Variants in SRBD1 observed in about 807,000 individuals in gnomAD.
SRBD1 encodes S1 RNA binding domain 1, also known as S1 RNA-binding domain-containing protein 1.
A neutral mutation model predicts 115.3 loss-of-function variants in SRBD1; 88 were observed. The observed-to-expected ratio is 0.76, with a 90% CI of 0.64 to 0.91. SRBD1 has a LOEUF of 0.91. Among genes scored for constraint, SRBD1 ranks in the 40% least tolerant of loss-of-function variants. The probability of loss-of-function intolerance (pLI) is 0.00; values close to 1 mark genes in which losing one functional copy is unlikely to be tolerated. For synonymous variants in SRBD1, 509 were observed against 407.7 expected (o/e 1.25, Z -2.99); for missense variants, 1,385 against 1,177.4 (o/e 1.18, Z -2.58).
chr2:45,458,041 T>C (rs1184565296), intron 16 of SRBD1, among the ~76,000 whole-genome samples: 1 of 152,054 alleles, frequency 6.6e-6, no homozygotes, highest in Non-Finnish European at 1.5e-5. Flanking sequence ...AATTAATTTA[T>C]GTAATGTCTT....
rs140703641 is a variant in SRBD1 at position 45,394,656 on chromosome 2, T to C, written c.2514-1527A>G. On this transcript the variant is annotated intron_variant, in intron 19 of 20. Transcript: ENST00000263736. Reference sequence around the variant, plus strand: ...AGGTCTCTTCACAGTGATACTCTGATAATAATAATCTGGCATCTAGTGGAG... The same window carrying C: ...AGGTCTCTTCACAGTGATACTCTGACAATAATAATCTGGCATCTAGTGGAG... Among the ~76,000 whole-genome samples the C allele has an allele frequency of 9.2e-5, 14 of 152,358 alleles. No individual in the cohort carries two copies. The South Asian group carries it at 1.5e-3, about 16-fold the overall frequency.
chr2:45,521,625 T>G (rs1671285721), intron 14 of SRBD1, among the ~76,000 whole-genome samples: 1 of 152,130 alleles, frequency 6.6e-6, no homozygotes, highest in Non-Finnish European at 1.5e-5. Flanking sequence ...ATATACAATT[T>G]GATTGTATAT....
intron 14 of SRBD1, among the ~76,000 whole-genome samples, chr2:45,505,067 C>T (rs1670756954): frequency 6.6e-6 from 1 of 152,134 alleles, no homozygotes; most frequent in African/African-American, 2.4e-5. Flanking sequence ...GAGTCTTCTA[C>T]ACAAAACCTG....
intron 9 of SRBD1, among the ~76,000 whole-genome samples, chr2:45,567,132 T>C (rs1356205680): frequency 1.3e-5 from 2 of 152,176 alleles, no homozygotes; most frequent in Non-Finnish European, 2.9e-5. Flanking sequence ...GAAAAGAATG[T>C]CAAAAGATAA....
chr2:45,506,026 T>C (rs1200352762), intron 14 of SRBD1, among the ~76,000 whole-genome samples: 1 of 152,180 alleles, frequency 6.6e-6, no homozygotes, highest in African/African-American at 2.4e-5. Context: ...ATAGTATACT[T>C]TGTTGCTCCT....
intron 14 of SRBD1, among the ~76,000 whole-genome samples, chr2:45,545,283 TAAAAAAA>T (rs56909656): frequency 6.1e-4 from 42 of 68,566 alleles, no homozygotes; most frequent in East Asian, 2.1e-3. Flanking sequence ...CTGTCTCAAT[TAAAAAAA>T]AAAAAAAAAA....
intron 16 of SRBD1, among the ~76,000 whole-genome samples, chr2:45,458,890 G>A (rs1669229222): frequency 6.6e-6 from 1 of 151,884 alleles, no homozygotes; most frequent in Admixed American, 6.6e-5. Flanking sequence ...ATGACGTTTT[G>A]GCAAATATTA....
At chr2:45,528,909 G>A (rs1671531341) in intron 14 of SRBD1, among the ~76,000 whole-genome samples, 1 of 151,894 alleles carries the variant, frequency 6.6e-6, no homozygotes, top group South Asian at 2.1e-4. Context: ...AGGCTGCTGG[G>A]TTAAACATAA....
intron 14 of SRBD1, among the ~76,000 whole-genome samples, chr2:45,529,343 A>T (rs1406152255): frequency 6.6e-6 from 1 of 151,942 alleles, no homozygotes; most frequent in African/African-American, 2.4e-5. Flanking sequence ...AAAAAAATGA[A>T]GAGTAGAAAC....
At chr2:45,511,745 A>G (rs1457398667) in intron 14 of SRBD1, among the ~76,000 whole-genome samples, 1 of 152,198 alleles carries the variant, frequency 6.6e-6, no homozygotes, top group African/African-American at 2.4e-5. Context: ...GAATTATCAA[A>G]TACTTCCCAG....
intron 16 of SRBD1, among the ~76,000 whole-genome samples, chr2:45,463,012 T>G (rs1353256631): frequency 5.3e-5 from 1 of 18,724 alleles, no homozygotes; most frequent in African/African-American, 1.8e-4. Flanking sequence ...TTGTTGAGAA[T>G]AACCCGGGGG....
rs537724741 is a variant in SRBD1, at chr2:45,452,399, A to G, written c.2049+24594T>C. On this transcript the variant is annotated intron_variant, in intron 16 of 20. Transcript: ENST00000263736. Reference sequence around the variant, plus strand: ...TATAATCAGCAGCAGCAGTGCCCCCAAGTAAGCATCTAATAATATCCATAA... The same window carrying G: ...TATAATCAGCAGCAGCAGTGCCCCCGAGTAAGCATCTAATAATATCCATAA... Among the ~76,000 whole-genome samples the G allele has an allele frequency of 4.6e-5, 7 of 152,074 alleles. No individual in the cohort carries two copies. The South Asian group carries it at 1.0e-3, about 23-fold the overall frequency.
At chr2:45,455,916 C>A (rs1348711672) in intron 16 of SRBD1, among the ~76,000 whole-genome samples, 1 of 151,748 alleles carries the variant, frequency 6.6e-6, no homozygotes, top group African/African-American at 2.4e-5. Flanking sequence ...AAAATAAGCC[C>A]CACTTGTTAA....
At chr2:45,412,929 T>A (rs1667646063) in intron 19 of SRBD1, among the ~76,000 whole-genome samples, 185 bp downstream of exon 19, 1 of 152,006 alleles carries the variant, frequency 6.6e-6, no homozygotes, top group Non-Finnish European at 1.5e-5. Flanking sequence ...GCTCCAGGAG[T>A]AATGGTTTCA....
chr2:45,408,129 C>T (rs1359004995), intron 19 of SRBD1, among the ~76,000 whole-genome samples: 1 of 152,122 alleles, frequency 6.6e-6, no homozygotes, highest in East Asian at 1.9e-4. Context: ...TGTACTGCAA[C>T]AAAAATTCTT....
chr2:45,489,387 T>C (rs1670224815), intron 14 of SRBD1, among the ~76,000 whole-genome samples: 1 of 152,178 alleles, frequency 6.6e-6, no homozygotes, highest in Non-Finnish European at 1.5e-5. Context: ...AACTGAACAT[T>C]GAGAAGTAAA....
intron 14 of SRBD1, among the ~76,000 whole-genome samples, chr2:45,495,525 T>C (rs894460072): frequency 6.6e-6 from 1 of 152,002 alleles, no homozygotes; most frequent in Non-Finnish European, 1.5e-5. Flanking sequence ...TCTTTCAAAA[T>C]CCCTCTTTTA....
intron 19 of SRBD1, among the ~76,000 whole-genome samples, chr2:45,406,649 T>C (rs547214548): frequency 2.6e-5 from 4 of 152,184 alleles, no homozygotes; most frequent in African/African-American, 9.6e-5. Flanking sequence ...TGGAAGGGAA[T>C]TATTTTTAGT....
chr2:45,608,523 T>C (rs1251268534), intron 1 of SRBD1, among the ~76,000 whole-genome samples: 3 of 152,330 alleles, frequency 2.0e-5, no homozygotes, highest in African/African-American at 7.2e-5. Flanking sequence ...TCTTACTTTG[T>C]GTCATAAAAC....
Sources: allele counts gnomAD v4.1 joint callset (sites outside exome capture counted in the v4.1 genomes callset), GRCh38; gene constraint gnomAD v4.1.1; transcripts MANE v1.5; gene names NCBI Gene and HGNC (gene_info 2026-07-23, HGNC 2026-07-21).